The following ARAP2 variants were observed in gnomAD, a reference collection of about 807,000 sequenced individuals.
ARAP2 encodes the protein ArfGAP with RhoGAP domain, ankyrin repeat and PH domain 2, also known as arf-GAP with Rho-GAP domain, ANK repeat and PH domain-containing protein 2.
In ARAP2, 148 loss-of-function variants were observed where a neutral mutation model predicts 194.5. The observed-to-expected ratio is 0.76, with a 90% CI of 0.67 to 0.87. ARAP2 has a LOEUF of 0.87. ARAP2 is among the 40% of genes least tolerant of loss of function. ARAP2 has a pLI of 0.00. For missense variants in ARAP2, 2,128 were observed against 1,989.7 expected, an observed-to-expected ratio of 1.07 and a Z score of -1.32; for synonymous variants, 695 against 683.5, an observed-to-expected ratio of 1.02 and a Z score of -0.26.
chr4:36,161,033 C>G (rs990720954), intron 12 of ARAP2, among the ~76,000 whole-genome samples: 1 of 152,030 alleles, frequency 6.6e-6, no homozygotes, highest in Non-Finnish European at 1.5e-5. Flanking sequence ...AAAGTAGCCT[C>G]CATCACAGTT....
At chr4:36,161,254 T>C (rs1733874757) in intron 12 of ARAP2, among the ~76,000 whole-genome samples, 1 of 152,100 alleles carries the variant, frequency 6.6e-6, no homozygotes, top group Admixed American at 6.6e-5. Flanking sequence ...TTAAGGATCT[T>C]CTATACTTTT....
chr4:36,154,633 A>G (rs1324700188), intron 15 of ARAP2, among the ~76,000 whole-genome samples: 1 of 152,208 alleles, frequency 6.6e-6, no homozygotes, highest in Non-Finnish European at 1.5e-5. Flanking sequence ...AAAAAAAGAA[A>G]GAAAAATACA....
chr4:36,174,273 G>A (rs1737320896), intron 9 of ARAP2, among the ~76,000 whole-genome samples: 1 of 152,116 alleles, frequency 6.6e-6, no homozygotes, highest in Non-Finnish European at 1.5e-5. Flanking sequence ...ACACATTGCA[G>A]GCATCCAAAA....
chr4:36,206,042 G>T (rs772304922), intron 6 of ARAP2, among the ~76,000 whole-genome samples: 12 of 152,174 alleles, frequency 7.9e-5, no homozygotes, highest in Non-Finnish European at 1.5e-4. Flanking sequence ...GTCAAACATG[G>T]ACTTGCCAAC....
At chr4:36,244,693 G>C (rs1754344900), upstream of ARAP2, among the ~76,000 whole-genome samples, 1 of 152,134 alleles carries the variant, frequency 6.6e-6, no homozygotes, top group Non-Finnish European at 1.5e-5. Flanking sequence ...GGAGGCGTCA[G>C]ACCCCGCTGG....
chr4:36,078,156 T>G (rs2109334311), intron 31 of ARAP2, among the ~76,000 whole-genome samples: 1 of 152,296 alleles, frequency 6.6e-6, no homozygotes, highest in Non-Finnish European at 1.5e-5. Flanking sequence ...GACATACAAG[T>G]CAAATATGAT....
intron 21 of ARAP2, among the ~76,000 whole-genome samples, chr4:36,127,112 A>G (rs1724123042): frequency 6.6e-6 from 1 of 152,102 alleles, no homozygotes; most frequent in African/African-American, 2.4e-5. Flanking sequence ...CTGGGATTAT[A>G]GGCGTGAGCC....
intron 7 of ARAP2, among the ~76,000 whole-genome samples, chr4:36,188,968 A>C: frequency 6.6e-6 from 1 of 152,062 alleles, no homozygotes; most frequent in East Asian, 1.9e-4. Context: ...CTTCTCCTTC[A>C]CTAGCTCTGT....
At chr4:36,101,396 G>GATTTT (rs61553104) in intron 27 of ARAP2, among the ~76,000 whole-genome samples, 3 of 149,898 alleles carry the variant, frequency 2.0e-5, no homozygotes. Context: ...AAGTACCAGA[G>GATTTT]TTTTTTTTTT....
At chr4:36,039,367 C>A (rs532903463) in intron 5 of ARAP2, among the ~76,000 whole-genome samples, 21 of 152,274 alleles carry the variant, frequency 1.4e-4, no homozygotes, top group Admixed American at 1.2e-3. Flanking sequence ...AAAAAATATG[C>A]TTCCTATAGT....
chr4:36,175,757 A>T (rs545417413), intron 9 of ARAP2, among the ~76,000 whole-genome samples: 1 of 152,268 alleles, frequency 6.6e-6, no homozygotes, highest in South Asian at 2.1e-4. Context: ...TTAATGCTTT[A>T]ATTTTTAAGG....
chr4:36,086,025 T>C (rs1455413568), intron 28 of ARAP2, among the ~76,000 whole-genome samples: 1 of 152,040 alleles, frequency 6.6e-6, no homozygotes, highest in East Asian at 1.9e-4. Flanking sequence ...CACAGTAGGA[T>C]ATATTCAAGG....
chr4:36,107,532 A>G (rs1227796816), intron 27 of ARAP2, 33 bp downstream of exon 27: 4 of 1,570,678 alleles, frequency 2.5e-6, no homozygotes, highest in Middle Eastern at 3.4e-4. Context: ...TGAATTTTCA[A>G]TCATAGCTGC....
chr4:36,115,609 G>A (rs1364677493), intron 25 of ARAP2, among the ~76,000 whole-genome samples: 1 of 151,904 alleles, frequency 6.6e-6, no homozygotes, highest in Non-Finnish European at 1.5e-5. Flanking sequence ...ATACAGATCA[G>A]TATACTGAAC....
intron 27 of ARAP2, among the ~76,000 whole-genome samples, chr4:36,101,425 A>G (rs1421834206): frequency 6.6e-6 from 1 of 151,148 alleles, no homozygotes; most frequent in Non-Finnish European, 1.5e-5. Flanking sequence ...TTTACTACTA[A>G]TGCAGCAAAT....
chr4:36,240,784 T>C (rs1036414885), intron 1 of ARAP2, among the ~76,000 whole-genome samples: 15 of 152,324 alleles, frequency 9.8e-5, no homozygotes, highest in African/African-American at 3.4e-4. Flanking sequence ...GTCTAAGCTA[T>C]GTTTTGATTA....
At chr4:36,229,675 G>T in intron 1 of ARAP2, 30 bp from the exon 2 acceptor site, 1 of 431,480 alleles carries the variant, frequency 2.3e-6, no homozygotes, top group South Asian at 6.3e-5. Context: ...GATTCATTAG[G>T]CTATTTTAAT....
chr4:36,123,494 T>G (rs1219158658), intron 22 of ARAP2, among the ~76,000 whole-genome samples: 1 of 151,774 alleles, frequency 6.6e-6, no homozygotes, highest in African/African-American at 2.4e-5. Context: ...TGCCTTAGTT[T>G]CTGGGACAAA....
intron 2 of ARAP2, among the ~76,000 whole-genome samples, chr4:36,221,947 T>C (rs1411371148): frequency 1.3e-5 from 2 of 152,154 alleles, no homozygotes; most frequent in Non-Finnish European, 2.9e-5. Flanking sequence ...CGGGAAATTC[T>C]GCCAGCGCAA....
Sources: allele counts gnomAD v4.1 joint callset (sites outside exome capture counted in the v4.1 genomes callset), GRCh38; gene constraint gnomAD v4.1.1; transcripts MANE v1.5; gene names NCBI Gene and HGNC (gene_info 2026-07-23, HGNC 2026-07-21).